Variants in ARHGEF11 observed in about 807,000 individuals in gnomAD.
The protein encoded by ARHGEF11 is Rho guanine nucleotide exchange factor 11.
A neutral mutation model predicts 193.7 loss-of-function variants in ARHGEF11; 55 were observed. The observed-to-expected ratio is 0.28, with a 90% CI of 0.23 to 0.36. The LOEUF (loss-of-function observed/expected upper bound fraction) is 0.36. Ranked by LOEUF, ARHGEF11 falls within the 10% of genes least tolerant of loss-of-function variation. The pLI is 1.00. For missense variants in ARHGEF11, 1,723 were observed against 2,005.6 expected (o/e 0.86, Z 2.69); for synonymous variants, 693 against 768.0 (o/e 0.90, Z 1.62).
At chr1:157,026,274 T>A (rs1293694704) in intron 1 of ARHGEF11, among the ~76,000 whole-genome samples, 2 of 152,208 alleles carry the variant, frequency 1.3e-5, no homozygotes, top group Non-Finnish European at 2.9e-5. Flanking sequence ...TACCTTCCTG[T>A]CCTTTTGCCC....
At chr1:157,033,416 G>A (rs1416602617) in intron 1 of ARHGEF11, among the ~76,000 whole-genome samples, 2 of 152,044 alleles carry the variant, frequency 1.3e-5, no homozygotes, top group African/African-American at 4.8e-5. Context: ...CCGTAGCAGA[G>A]ACCACATTCA....
At chr1:156,949,704 C>A (rs1465138040) in intron 22 of ARHGEF11, among the ~76,000 whole-genome samples, 1 of 152,170 alleles carries the variant, frequency 6.6e-6, no homozygotes, top group Non-Finnish European at 1.5e-5. Context: ...ACTGTACCAC[C>A]ACAACAAACA....
intron 1 of ARHGEF11, among the ~76,000 whole-genome samples, chr1:156,999,387 C>T (rs574890346): frequency 6.6e-6 from 1 of 152,114 alleles, no homozygotes. Context: ...CTATCATCCC[C>T]ACGACGAGGG....
rs370677175 is a variant in ARHGEF11, at chr1:156,948,533, G to A, written c.1926-35C>T. 3.1e-5 allele frequency: 50 copies of A among 1,614,012 alleles called. No individual in the cohort carries two copies. The highest frequency in any genetic ancestry group is 4.1e-5 in the Non-Finnish European group (48 of 1,180,008). On this transcript the variant is annotated intron_variant, in intron 22 of 40. Coordinates refer to ENST00000368194, the MANE Select transcript of ARHGEF11 (RefSeq NM_198236.3). The surrounding 1 kb of genome is among the most constrained non-coding windows in gnomAD (Gnocchi z 4.2). ...AGGGACAAAAGACTTTGGGACTTGG[G>A]AAGTCAGTGGGCCATGCTTACATCC...
In ARHGEF11 at chr1:156,943,844, T is replaced by C. The variant is rs1164194468; in HGVS notation, c.3235+91A>G. 3.4e-6 allele frequency: 5 copies of C among 1,471,278 alleles called. No homozygotes were observed. The African/African-American group carries it at 5.6e-5, about 17-fold the overall frequency. The allele number at this position is 1,471,278 out of a possible 1,614,324, so 91.1% of individuals were successfully genotyped here. A position where few individuals can be genotyped will look rare whatever the true frequency, so the allele number is the denominator to read the frequency against. ...GGAACACAGGTGGACAGGTAGGTCC[T>C]GTAAAGGCTCCAGACTGGCCCTGCC... is the stretch of plus-strand genomic sequence containing the variant. On this transcript the variant is annotated intron_variant, in intron 32 of 40. Transcript: ENST00000368194.
intron 2 of ARHGEF11, among the ~76,000 whole-genome samples, chr1:156,985,055 G>C (rs1414760336): frequency 2.6e-5 from 4 of 151,850 alleles, no homozygotes; most frequent in South Asian, 2.1e-4. Context: ...AAAACAAAAA[G>C]AAACAGAGGT....
At chr1:157,013,434 A>G (rs1317388117) in intron 1 of ARHGEF11, among the ~76,000 whole-genome samples, 1 of 151,714 alleles carries the variant, frequency 6.6e-6, no homozygotes, top group Non-Finnish European at 1.5e-5. Context: ...TTATTCCTCA[A>G]GCCCCTATGA....
chr1:157,011,319 T>C (rs1038722356), intron 1 of ARHGEF11, among the ~76,000 whole-genome samples: 6 of 152,156 alleles, frequency 3.9e-5, no homozygotes, highest in African/African-American at 9.7e-5. Flanking sequence ...CCTCACATCA[T>C]ATACAAGAAT....
Position 156,948,916 on chromosome 1 carries a change from G to A in ARHGEF11, c.1926-418C>T, listed in dbSNP as rs1163121509. The A allele has an allele frequency of 3.7e-5, 36 of 985,280 alleles. No individual in the cohort carries two copies. The South Asian group carries it at 3.8e-4, about 10-fold the overall frequency. 61.0% of individuals were successfully genotyped at this position (985,280 alleles called of 1,614,324 possible). A position where few individuals can be genotyped will look rare whatever the true frequency, so the allele number is the denominator to read the frequency against. Reference sequence around the variant, plus strand: ...TCCCTGCCCCTAGTGGCCAGTTCACGTTGCCTCTGCTTTGGAACGGGTCAG... The same window carrying A: ...TCCCTGCCCCTAGTGGCCAGTTCACATTGCCTCTGCTTTGGAACGGGTCAG... On this transcript the variant is annotated intron_variant, in intron 22 of 40. Coordinates refer to ENST00000368194, the MANE Select transcript of ARHGEF11 (RefSeq NM_198236.3). This position sits in a 1 kb window ranked among gnomAD's most constrained non-coding sequence, Gnocchi z 4.2.
chr1:157,017,489 C>T (rs1268972732), intron 1 of ARHGEF11, among the ~76,000 whole-genome samples: 5 of 151,952 alleles, frequency 3.3e-5, no homozygotes, highest in East Asian at 3.9e-4. Flanking sequence ...AGGTGGATCA[C>T]GAGGTCAGGA....
chr1:156,954,774 A>G (rs1014730445), intron 21 of ARHGEF11, 118 bp downstream of exon 21: 18 of 880,006 alleles, frequency 2.0e-5, no homozygotes, highest in Non-Finnish European at 3.1e-5. Context: ...AGAAGAAAGA[A>G]AGGGAGGGAG....
intron 28 of ARHGEF11, 112 bp downstream of exon 28, chr1:156,946,550 T>A (rs777646747): frequency 6.9e-7 from 1 of 1,445,266 alleles, no homozygotes; most frequent in African/African-American, 1.4e-5. Flanking sequence ...TGTCGAAGGG[T>A]AGAGGGAGTT....
At chr1:156,960,309 C>T (rs72700711) in intron 15 of ARHGEF11, 109 bp downstream of exon 15, 331 of 1,045,492 alleles carry the variant, frequency 3.2e-4, no homozygotes, top group Non-Finnish European at 3.8e-4. Context: ...TATTACAGGA[C>T]GGTTGCCCAA....
chr1:156,948,599 C>T lies in ARHGEF11; in HGVS notation c.1926-101G>A, dbSNP rs768819951. The T allele has an allele frequency of 2.1e-5, 34 of 1,605,296 alleles. No homozygotes were observed. Among genetic ancestry groups the T allele is most frequent in the Admixed American group, 5.1e-5 (3 of 58,910 alleles). On this transcript the variant is annotated intron_variant, in intron 22 of 40. Transcript: ENST00000368194. This position sits in a 1 kb window ranked among gnomAD's most constrained non-coding sequence, Gnocchi z 4.2. The stretch of plus-strand genomic sequence containing the variant: ...TGTGGCTCCATCTCAAAGATGCCTC[C>T]GTGCCACAGGTTCTCCTCCTGAACA...
chr1:156,943,911 A>C, intron 32 of ARHGEF11, 24 bp downstream of exon 32: 1 of 1,599,070 alleles, frequency 6.3e-7, no homozygotes, highest in Non-Finnish European at 8.5e-7. Context: ...GCCCCAGGCC[A>C]GCCTGGACCA....
chr1:156,945,986 G>C, intron 29 of ARHGEF11, 59 bp downstream of exon 29: 1 of 1,403,744 alleles, frequency 7.1e-7, no homozygotes, highest in Non-Finnish European at 1.0e-6. Flanking sequence ...AGCAGTGTCA[G>C]AATGAGGGTC....
Position 157,018,257 on chromosome 1 carries a change from T to C in ARHGEF11, c.32+26042A>G, listed in dbSNP as rs144400670. Among the ~76,000 whole-genome samples, 92 of 152,322 alleles carry C rather than the reference T, an allele frequency of 6.0e-4. No individual in the cohort carries two copies. The East Asian group carries it at 0.016, about 27-fold the overall frequency. On this transcript the variant is annotated intron_variant, in intron 1 of 40. Coordinates refer to ENST00000368194, the MANE Select transcript of ARHGEF11 (RefSeq NM_198236.3). ...ATGTTGTTAAAATGCCAATTCTCTC[T>C]GAACTGATCTATGGTTTCTGCACAA...
chr1:156,985,953 G>C, intron 2 of ARHGEF11, 129 bp downstream of exon 2: 1 of 705,664 alleles, frequency 1.4e-6, no homozygotes, highest in Non-Finnish European at 2.4e-6. Context: ...CACCTGACTG[G>C]CATAGCACAC....
At chr1:156,945,289 T>C in intron 29 of ARHGEF11, 92 bp from the exon 30 acceptor site, 1 of 1,458,936 alleles carries the variant, frequency 6.9e-7, no homozygotes. Flanking sequence ...CCATGGCAGC[T>C]GGCTTGCTTC....
Sources: allele counts gnomAD v4.1 joint callset (sites outside exome capture counted in the v4.1 genomes callset), GRCh38; gene constraint gnomAD v4.1.1; non-coding constraint Gnocchi (gnomAD v3.1); transcripts MANE v1.5; gene names NCBI Gene and HGNC (gene_info 2026-07-23, HGNC 2026-07-21).